The following MAGI2 variants were observed in gnomAD, a reference collection of about 807,000 sequenced individuals.
MAGI2 encodes membrane associated guanylate kinase, WW and PDZ domain containing 2.
A neutral mutation model predicts 133.3 loss-of-function variants in MAGI2; 35 were observed. The observed-to-expected ratio is 0.26, with a 90% CI of 0.20 to 0.35. The LOEUF is 0.35. MAGI2 is among the 10% of genes least tolerant of loss of function. MAGI2 has a pLI of 1.00. For missense variants in MAGI2, 1,636 were observed against 1,863.4 expected (o/e 0.88, Z 2.25); for synonymous variants, 729 against 710.6 (o/e 1.03, Z -0.41).
chr7:79,341,566 T>C (rs1840907834), intron 1 of MAGI2, among the ~76,000 whole-genome samples: 1 of 152,174 alleles, frequency 6.6e-6, no homozygotes, highest in African/African-American at 2.4e-5. Context: ...GGCCATATTT[T>C]CCTGTCATTT....
intron 2 of MAGI2, among the ~76,000 whole-genome samples, chr7:78,719,979 C>T (rs777135858): frequency 3.2e-4 from 49 of 152,144 alleles, no homozygotes; most frequent in Admixed American, 2.0e-4. Context: ...TAAATCTACT[C>T]GGTTATCTTT....
intron 9 of MAGI2, among the ~76,000 whole-genome samples, chr7:78,331,889 TTAAAAA>T (rs1275729970): frequency 1.3e-5 from 2 of 152,208 alleles, no homozygotes; most frequent in African/African-American, 4.8e-5. Context: ...GCAGAATAAC[TTAAAAA>T]TAATAGTAAT....
At chr7:78,246,689 C>T (rs961901744) in intron 10 of MAGI2, among the ~76,000 whole-genome samples, 11 of 152,146 alleles carry the variant, frequency 7.2e-5, no homozygotes, top group Non-Finnish European at 1.5e-5. Flanking sequence ...TGCTGTGTTC[C>T]ACCACCTCAG....
intron 10 of MAGI2, among the ~76,000 whole-genome samples, chr7:78,214,625 G>A (rs1230600949): frequency 6.6e-6 from 1 of 151,840 alleles, no homozygotes; most frequent in Non-Finnish European, 1.5e-5. Context: ...GTAAGATCTG[G>A]AATATAGGTA....
chr7:79,255,941 T>C (rs1833649504), intron 1 of MAGI2, among the ~76,000 whole-genome samples: 1 of 152,130 alleles, frequency 6.6e-6, no homozygotes, highest in African/African-American at 2.4e-5. Flanking sequence ...AGAAAGCACA[T>C]AGTTTCCCCA....
chr7:78,801,269 C>A (rs1788035064), intron 2 of MAGI2, among the ~76,000 whole-genome samples: 2 of 152,230 alleles, frequency 1.3e-5, no homozygotes, highest in East Asian at 3.9e-4. Context: ...AATACAGACC[C>A]TTACTTCAAT....
At chr7:78,113,890 T>A (rs760064798) in intron 20 of MAGI2, among the ~76,000 whole-genome samples, 1 of 152,254 alleles carries the variant, frequency 6.6e-6, no homozygotes, top group Non-Finnish European at 1.5e-5. Flanking sequence ...TCCCATTGAT[T>A]AGATCAGTAA....
chr7:79,126,696 T>C (rs1333180027), intron 1 of MAGI2, among the ~76,000 whole-genome samples: 1 of 151,986 alleles, frequency 6.6e-6, no homozygotes, highest in East Asian at 1.9e-4. Flanking sequence ...TTTGAAAAAA[T>C]GTTCTTATCT....
chr7:79,425,998 A>G (rs1337135149), intron 1 of MAGI2, among the ~76,000 whole-genome samples: 1 of 152,198 alleles, frequency 6.6e-6, no homozygotes, highest in Middle Eastern at 3.2e-3. Context: ...TGATTGTTCA[A>G]TCTATTGCGT....
At chr7:78,854,363 C>A (rs1164018926) in intron 2 of MAGI2, among the ~76,000 whole-genome samples, 1 of 151,912 alleles carries the variant, frequency 6.6e-6, no homozygotes, top group African/African-American at 2.4e-5. Flanking sequence ...AGATAGGAAC[C>A]TTGTTTTATA....
At chr7:78,604,852 G>C (rs1176048235) in intron 3 of MAGI2, among the ~76,000 whole-genome samples, 1 of 152,144 alleles carries the variant, frequency 6.6e-6, no homozygotes, top group Non-Finnish European at 1.5e-5. Flanking sequence ...TTTCTACTTA[G>C]AGCTATTTTC....
chr7:78,126,697 C>T (rs894976625), intron 19 of MAGI2, among the ~76,000 whole-genome samples: 5 of 152,048 alleles, frequency 3.3e-5, no homozygotes, highest in Admixed American at 6.5e-5. Context: ...CTGTGGCAGG[C>T]GCTACACTCT....
intron 2 of MAGI2, among the ~76,000 whole-genome samples, chr7:78,972,763 G>A (rs1225285492): frequency 6.6e-6 from 1 of 151,796 alleles, no homozygotes; most frequent in African/African-American, 2.4e-5. Context: ...TATAACCATA[G>A]CAATCAGGAC....
At chr7:78,206,538 G>A (rs1829766489) in intron 10 of MAGI2, among the ~76,000 whole-genome samples, 1 of 151,898 alleles carries the variant, frequency 6.6e-6, no homozygotes. Context: ...TGATCCACCC[G>A]ACTCGGCCTC....
intron 1 of MAGI2, among the ~76,000 whole-genome samples, chr7:79,058,991 T>C (rs1330137936): frequency 6.6e-6 from 1 of 152,108 alleles, no homozygotes; most frequent in Non-Finnish European, 1.5e-5. Flanking sequence ...ATACTCAGTA[T>C]AGTAAGTAGT....
At chr7:78,079,661 C>G (rs546961088) in intron 20 of MAGI2, among the ~76,000 whole-genome samples, 1 of 152,312 alleles carries the variant, frequency 6.6e-6, no homozygotes, top group South Asian at 2.1e-4. Flanking sequence ...TTTTCTATCA[C>G]AGCCCCTTGA....
At chr7:78,172,881 A>C (rs1826248035) in intron 14 of MAGI2, among the ~76,000 whole-genome samples, 1 of 151,706 alleles carries the variant, frequency 6.6e-6, no homozygotes, top group Non-Finnish European at 1.5e-5. Flanking sequence ...TTACAGTTTC[A>C]CTCTCCCAGA....
intron 1 of MAGI2, among the ~76,000 whole-genome samples, chr7:79,235,427 T>C (rs1220829259): frequency 1.3e-5 from 2 of 152,260 alleles, no homozygotes; most frequent in Non-Finnish European, 2.9e-5. Context: ...CTCAGACTGC[T>C]GTGCTAGCAA....
At chr7:78,910,538 A>AT (rs1420805044) in intron 2 of MAGI2, among the ~76,000 whole-genome samples, 4 of 152,092 alleles carry the variant, frequency 2.6e-5, no homozygotes, top group African/African-American at 9.7e-5. Flanking sequence ...CTTATGAAAG[A>AT]TTTTTTTCCA....
Sources: gnomAD v4.1 joint callset for allele counts (sites outside exome capture counted in the v4.1 genomes callset) on GRCh38, gnomAD v4.1.1 for gene constraint, MANE v1.5 for transcripts, NCBI Gene and HGNC (gene_info 2026-07-23, HGNC 2026-07-21) for gene names.